Variants in SPAG16 observed in about 807,000 individuals in gnomAD.
The protein encoded by SPAG16 is sperm associated antigen 16.
A neutral mutation model predicts 80.4 loss-of-function variants in SPAG16; 86 were observed. The ratio of observed to expected loss-of-function variants is 1.07; its 90% CI spans 0.90 to 1.28. SPAG16 has a LOEUF of 1.28. SPAG16 is among the 50% of genes most tolerant of loss of function. The pLI is 0.00. For synonymous variants in SPAG16, 294 were observed against 265.9 expected (o/e 1.11, Z -1.03); for missense variants, 870 against 765.3 (o/e 1.14, Z -1.61).
At chr2:214,209,535 T>C (rs780268895) in intron 15 of SPAG16, among the ~76,000 whole-genome samples, 1 of 152,180 alleles carries the variant, frequency 6.6e-6, no homozygotes, top group Non-Finnish European at 1.5e-5. Context: ...TCTTTCTTGC[T>C]CTTGCTCTTG....
intron 9 of SPAG16, among the ~76,000 whole-genome samples, chr2:213,480,970 C>T (rs1346742183): frequency 6.6e-6 from 1 of 152,114 alleles, no homozygotes; most frequent in Non-Finnish European, 1.5e-5. Context: ...GATAGCTGAG[C>T]TGTATTGCAA....
chr2:214,395,361 C>G (rs559601394), intron 15 of SPAG16, among the ~76,000 whole-genome samples: 42 of 152,274 alleles, frequency 2.8e-4, no homozygotes, highest in African/African-American at 1.0e-3. Context: ...CACATTCTCA[C>G]CAGCATTTGG....
chr2:214,241,201 A>C (rs1280585469), intron 15 of SPAG16: 1 of 151,986 alleles, frequency 6.6e-6, no homozygotes, highest in Non-Finnish European at 1.5e-5. Context: ...AAAAATACAA[A>C]AAAAAATTAG....
chr2:213,672,186 TC>T (rs1430034944), intron 10 of SPAG16, among the ~76,000 whole-genome samples: 1 of 150,934 alleles, frequency 6.6e-6, no homozygotes, highest in African/African-American at 2.5e-5. Context: ...TTTTTTTTTT[TC>T]ATTTCCTTTT....
At chr2:213,731,153 GTTTTT>G (rs57074369) in intron 10 of SPAG16, among the ~76,000 whole-genome samples, 2 of 107,096 alleles carry the variant, frequency 1.9e-5, no homozygotes, top group Non-Finnish European at 3.7e-5. Flanking sequence ...TTATATCTGA[GTTTTT>G]TTTTTTTTTT....
At chr2:214,322,807 T>A (rs1167338855) in intron 15 of SPAG16, among the ~76,000 whole-genome samples, 3 of 152,132 alleles carry the variant, frequency 2.0e-5, no homozygotes, top group African/African-American at 4.8e-5. Context: ...TATGCCCCCA[T>A]AACCTTACAA....
chr2:213,682,021 C>A (rs2064415287), intron 10 of SPAG16, among the ~76,000 whole-genome samples: 1 of 152,152 alleles, frequency 6.6e-6, no homozygotes, highest in African/African-American at 2.4e-5. Context: ...TCCTGTACCT[C>A]CAGAATCTCT....
At chr2:214,211,366 A>G (rs1005848026) in intron 15 of SPAG16, among the ~76,000 whole-genome samples, 2 of 152,204 alleles carry the variant, frequency 1.3e-5, no homozygotes, top group African/African-American at 2.4e-5. Flanking sequence ...CAGGCCCACA[A>G]AAGTCCACAC....
rs756544504 is a variant in SPAG16 at position 214,014,027 on chromosome 2, C to G, written c.1477C>G (p.Leu493Val). 1.2e-6 allele frequency: 2 copies of G among 1,613,548 alleles called. No individual in the cohort carries two copies. The highest frequency in any genetic ancestry group is 8.5e-7 in the Non-Finnish European group (1 of 1,179,748). ...TGAGTTTTTTCCTTTCTCCAATACT[C>G]TTCTCACAAGCTCTGCAGACAAGAC... The part of the protein sequence containing the change: ...SIEFFPFSNT[L>V]LTSSADKTLS... Residue 493 changes from leucine (L) to valine (V), a missense_variant, in exon 13 of 16, where the codon CTT (leucine) becomes GTT (valine). Coordinates refer to ENST00000331683, the MANE Select transcript of SPAG16 (RefSeq NM_024532.5).
intron 4 of SPAG16, among the ~76,000 whole-genome samples, chr2:213,312,769 T>C (rs1179382674): frequency 1.1e-4 from 17 of 151,794 alleles, no homozygotes; most frequent in Non-Finnish European, 1.5e-5. Flanking sequence ...AAGAGTATAT[T>C]TCATTAATTT....
At chr2:213,669,102 G>T (rs2063723178) in intron 10 of SPAG16, among the ~76,000 whole-genome samples, 1 of 152,152 alleles carries the variant, frequency 6.6e-6, no homozygotes, top group African/African-American at 2.4e-5. Flanking sequence ...GAGCAAAATT[G>T]TTAAAATGTG....
intron 15 of SPAG16, among the ~76,000 whole-genome samples, chr2:214,332,961 A>G (rs1030665823): frequency 2.0e-5 from 3 of 152,206 alleles, no homozygotes; most frequent in Non-Finnish European, 4.4e-5. Flanking sequence ...TTTAACAAAG[A>G]AAGTTATGAT....
intron 15 of SPAG16, among the ~76,000 whole-genome samples, chr2:214,346,482 T>C (rs1698061451): frequency 6.6e-6 from 1 of 152,168 alleles, no homozygotes; most frequent in African/African-American, 2.4e-5. Flanking sequence ...TATTGAAAGA[T>C]GGGGTCTATG....
intron 10 of SPAG16, among the ~76,000 whole-genome samples, chr2:213,709,507 T>C (rs1175504453): frequency 1.3e-5 from 2 of 152,188 alleles, no homozygotes; most frequent in Admixed American, 6.5e-5. Flanking sequence ...GTACCTATGA[T>C]TAAAAGAGCT....
At chr2:213,835,675 A>T (rs1484847772) in intron 10 of SPAG16, among the ~76,000 whole-genome samples, 1 of 152,034 alleles carries the variant, frequency 6.6e-6, no homozygotes, top group East Asian at 1.9e-4. Context: ...TAAAATTTTA[A>T]CCTCCATAAT....
intron 15 of SPAG16, among the ~76,000 whole-genome samples, chr2:214,197,662 T>C (rs1292295577): frequency 6.6e-6 from 1 of 152,020 alleles, no homozygotes; most frequent in East Asian, 1.9e-4. Context: ...CAACTTCTTT[T>C]AGAGGTATTT....
chr2:213,811,563 T>C (rs780328200), intron 10 of SPAG16, among the ~76,000 whole-genome samples: 2 of 152,128 alleles, frequency 1.3e-5, no homozygotes, highest in African/African-American at 4.8e-5. Context: ...CTCACCATGT[T>C]TCTTCTATAC....
chr2:214,338,691 T>TATCA (rs1265991191), intron 15 of SPAG16, among the ~76,000 whole-genome samples: 1 of 152,206 alleles, frequency 6.6e-6, no homozygotes, highest in Admixed American at 6.5e-5. Flanking sequence ...GCCACAATTC[T>TATCA]ATCAGCTTTT....
At chr2:214,165,209 ATT>A (rs2125614932) in intron 15 of SPAG16, among the ~76,000 whole-genome samples, 1 of 152,168 alleles carries the variant, frequency 6.6e-6, no homozygotes, top group Non-Finnish European at 1.5e-5. Context: ...AAAAGTTTGC[ATT>A]TTAGGGGGAA....
Sources: allele counts gnomAD v4.1 joint callset (sites outside exome capture counted in the v4.1 genomes callset), GRCh38; gene constraint gnomAD v4.1.1; transcripts MANE v1.5; gene names NCBI Gene and HGNC (gene_info 2026-07-23, HGNC 2026-07-21).